Variants in PAX7 observed in about 807,000 individuals in gnomAD.
PAX7 encodes the protein paired box protein Pax-7.
A neutral mutation model predicts 50.7 loss-of-function variants in PAX7; 18 were observed. The observed-to-expected ratio is 0.36, with a 90% CI of 0.25 to 0.53. The LOEUF is 0.53. Ranked by LOEUF, PAX7 falls within the 20% of genes least tolerant of loss-of-function variation. The pLI is 0.93. For missense variants in PAX7, 644 were observed against 702.9 expected, an observed-to-expected ratio of 0.92 and a Z score of 0.95; for synonymous variants, 310 against 290.4, an observed-to-expected ratio of 1.07 and a Z score of -0.69.
intron 7 of PAX7, among the ~76,000 whole-genome samples, chr1:18,710,641 A>C (rs2089338823): frequency 6.6e-6 from 1 of 152,176 alleles, no homozygotes; most frequent in Non-Finnish European, 1.5e-5. Flanking sequence ...CCAGGCAACA[A>C]GATCTCATTA....
chr1:18,706,782 C>T (rs1442040433), intron 7 of PAX7, among the ~76,000 whole-genome samples: 1 of 152,130 alleles, frequency 6.6e-6, no homozygotes, highest in Non-Finnish European at 1.5e-5. Flanking sequence ...TGCGTCTGGC[C>T]GGAATTTTTG....
chr1:18,656,620 A>T (rs1160079942), intron 4 of PAX7, among the ~76,000 whole-genome samples: 2 of 152,088 alleles, frequency 1.3e-5, no homozygotes, highest in Non-Finnish European at 2.9e-5. Context: ...CTGGTATGAG[A>T]CTCTAGATCA....
intron 5 of PAX7, among the ~76,000 whole-genome samples, chr1:18,694,495 AATAAATAAATAAATAT>A (rs1347350539): frequency 2.6e-5 from 3 of 115,994 alleles, no homozygotes; most frequent in East Asian, 3.2e-4. Flanking sequence ...TAAATAAATA[AATAAATAAATAAATAT>A]AAAATAAAAT....
chr1:18,697,087 T>A (rs919442678), intron 5 of PAX7, among the ~76,000 whole-genome samples: 1 of 152,176 alleles, frequency 6.6e-6, no homozygotes, highest in Non-Finnish European at 1.5e-5. Flanking sequence ...AAAGTGACTG[T>A]GCTGGGACTT....
intron 4 of PAX7, among the ~76,000 whole-genome samples, chr1:18,643,770 C>T (rs1410663125): frequency 6.6e-6 from 1 of 152,236 alleles, no homozygotes; most frequent in Non-Finnish European, 1.5e-5. Flanking sequence ...TATTACAGCA[C>T]GTCCCGGCGG....
chr1:18,640,707 G>A (rs745336320), intron 4 of PAX7, among the ~76,000 whole-genome samples: 56 of 152,304 alleles, frequency 3.7e-4, no homozygotes, highest in Non-Finnish European at 7.8e-4. Context: ...AGTGGGATCA[G>A]CTTCGCATAA....
intron 4 of PAX7, among the ~76,000 whole-genome samples, chr1:18,685,609 T>C (rs1178881652): frequency 6.6e-6 from 1 of 152,182 alleles, no homozygotes; most frequent in South Asian, 2.1e-4. Flanking sequence ...GAAGGCACTC[T>C]GAGCAGAGGA....
At chr1:18,688,849 G>A (rs2089015297) in intron 4 of PAX7, among the ~76,000 whole-genome samples, 1 of 152,224 alleles carries the variant, frequency 6.6e-6, no homozygotes, top group Non-Finnish European at 1.5e-5. Context: ...GGGAGATGGA[G>A]GCTGCAGTGA....
chr1:18,647,119 C>T (rs1026697902), intron 4 of PAX7, among the ~76,000 whole-genome samples: 3 of 151,886 alleles, frequency 2.0e-5, no homozygotes, highest in African/African-American at 4.8e-5. Flanking sequence ...AACCGAGCTC[C>T]GGGCGAGGGG....
chr1:18,669,613 G>A (rs984832309), intron 4 of PAX7, among the ~76,000 whole-genome samples: 1 of 152,174 alleles, frequency 6.6e-6, no homozygotes, highest in Non-Finnish European at 1.5e-5. Flanking sequence ...CAGAGAGGAT[G>A]TCTCAGACAT....
rs142245975 is a variant in PAX7 at position 18,745,971 on chromosome 1, T to C, written c.*1042T>C. The C allele has an allele frequency of 1.3e-3, 297 of 230,448 alleles. 1 individual carries two copies. The highest frequency in any genetic ancestry group is 6.1e-3 in the African/African-American group (275 of 45,126). The allele number at this position is 230,448 out of a possible 1,614,324, so 14.3% of individuals were successfully genotyped here. On this transcript the variant is annotated 3_prime_UTR_variant, in exon 9 of 9. Transcript: ENST00000420770. ...GCCTGCAAGTCCACACCCCAGGGAG[T>C]TGAGATTTTGCCCAAAGCCTTCCGC...
rs934528844 is a variant in PAX7, at chr1:18,667,954, C to T, written c.587-23800C>T. Among the ~76,000 whole-genome samples the T allele has an allele frequency of 6.6e-5, 10 of 152,254 alleles. No individual in the cohort carries two copies. The East Asian group carries it at 1.5e-3, about 23-fold the overall frequency. Reference sequence around the variant, plus strand: ...CCAGCTGAGCCATCAAAGGATGCTTCCTCTACATCCCAGTCTCCTAACCAT... The same window carrying T: ...CCAGCTGAGCCATCAAAGGATGCTTTCTCTACATCCCAGTCTCCTAACCAT... On this transcript the variant is annotated intron_variant, in intron 4 of 8. Transcript: ENST00000420770.
intron 7 of PAX7, among the ~76,000 whole-genome samples, chr1:18,704,848 C>A (rs2100331341): frequency 6.6e-6 from 1 of 152,244 alleles, no homozygotes; most frequent in African/African-American, 2.4e-5. Context: ...TGGGAAAACC[C>A]TTGAGTAAGT....
chr1:18,674,662 C>T (rs1557522661), intron 4 of PAX7, among the ~76,000 whole-genome samples: 3 of 152,220 alleles, frequency 2.0e-5, no homozygotes, highest in Non-Finnish European at 4.4e-5. Context: ...TTTGGAGCCA[C>T]GAGGGGCTAG....
intron 4 of PAX7, among the ~76,000 whole-genome samples, chr1:18,689,916 G>A (rs1484896763): frequency 6.6e-6 from 1 of 152,236 alleles, no homozygotes; most frequent in Non-Finnish European, 1.5e-5. Flanking sequence ...AGGGGCCTAG[G>A]CCTATTCCTA....
chr1:18,669,208 C>A (rs2088709106), intron 4 of PAX7, among the ~76,000 whole-genome samples: 1 of 152,210 alleles, frequency 6.6e-6, no homozygotes, highest in African/African-American at 2.4e-5. Context: ...GCAGAGTGAG[C>A]AGCCCAAGGG....
chr1:18,639,395 A>AT (rs3079731), intron 4 of PAX7, among the ~76,000 whole-genome samples: 58,156 of 149,202 alleles, frequency 0.39, 11,580 homozygotes, highest in Middle Eastern at 0.5. Context: ...GGCTGTTCAT[A>AT]TTTTTTTTTT....
At chr1:18,742,353 T>C (rs1197414637) in intron 8 of PAX7, among the ~76,000 whole-genome samples, 1 of 152,176 alleles carries the variant, frequency 6.6e-6, no homozygotes, top group African/African-American at 2.4e-5. Flanking sequence ...AGACAGGGTT[T>C]CACGGTGTTA....
intron 3 of PAX7, 111 bp downstream of exon 3, chr1:18,635,351 T>G: frequency 1.5e-6 from 2 of 1,290,912 alleles, no homozygotes; most frequent in African/African-American, 1.5e-5. Context: ...ACTGTGAACT[T>G]ACTGAGAAGT....
Sources: gnomAD v4.1 joint callset for allele counts (sites outside exome capture counted in the v4.1 genomes callset) on GRCh38, gnomAD v4.1.1 for gene constraint, MANE v1.5 for transcripts, NCBI Gene and HGNC (gene_info 2026-07-23, HGNC 2026-07-21) for gene names.